Variants in KLF13 observed in about 807,000 individuals in gnomAD.
The protein encoded by KLF13 is Krueppel-like factor 13.
In KLF13, 8 loss-of-function variants were observed where a neutral mutation model predicts 16.7. The ratio of observed to expected loss-of-function variants is 0.48; its 90% CI spans 0.28 to 0.87. The LOEUF is 0.87. Among genes scored for constraint, KLF13 ranks in the 40% least tolerant of loss-of-function variants. KLF13 has a pLI of 0.10. For synonymous variants in KLF13, 245 were observed against 208.4 expected (o/e 1.18, Z -1.51); for missense variants, 447 against 452.2 (o/e 0.99, Z 0.10).
In KLF13 at chr15:31,375,694, T is replaced by C. The variant is rs949725619; in HGVS notation, c.*3395T>C. On this transcript the variant is annotated 3_prime_UTR_variant, in exon 2 of 2. Transcript: ENST00000307145. ...GGGGAACGGTTGTCAGCTCCCCAAA[T>C]GCCTACTGGATCCTACAGCCATACA... 1.3e-5 allele frequency: 2 copies of C among 152,112 alleles called. No individual in the cohort carries two copies. The highest frequency in any genetic ancestry group is 2.9e-5 in the Non-Finnish European group (2 of 68,014). 9.4% of individuals were successfully genotyped at this position (152,112 alleles called of 1,614,324 possible). A position where few individuals can be genotyped will look rare whatever the true frequency, so the allele number is the denominator to read the frequency against.
chr15:31,403,533 T>A (rs1484653884), exon 3 of KLF13: 1 of 152,274 alleles, frequency 6.6e-6, no homozygotes, highest in African/African-American at 2.4e-5. Context: ...GATGAGCCAA[T>A]TCTCCTTCTT....
chr15:31,371,712 T>C (rs1174504742), intron 1 of KLF13, among the ~76,000 whole-genome samples: 2 of 151,966 alleles, frequency 1.3e-5, no homozygotes, highest in African/African-American at 4.8e-5. Context: ...ACTTAGGGGG[T>C]CCACTGCCAG....
intron 1 of KLF13, among the ~76,000 whole-genome samples, chr15:31,329,200 G>T (rs561873397): frequency 9.3e-5 from 14 of 151,284 alleles, no homozygotes; most frequent in Non-Finnish European, 7.4e-5. Flanking sequence ...GGGTGTGGGG[G>T]CTCAGGTTGG....
At chr15:31,328,579 C>T (rs1372240630) in intron 1 of KLF13, among the ~76,000 whole-genome samples, 2 of 151,866 alleles carry the variant, frequency 1.3e-5, no homozygotes, top group African/African-American at 4.8e-5. Context: ...CGCCTGCCCA[C>T]CTCTCACCTG....
intron 1 of KLF13, among the ~76,000 whole-genome samples, chr15:31,385,483 G>A (rs1281313222): frequency 6.6e-6 from 1 of 152,194 alleles, no homozygotes; most frequent in African/African-American, 2.4e-5. Flanking sequence ...GTCTATTGGT[G>A]CCATTTTTCC....
chr15:31,351,337 A>G (rs1333613436), intron 1 of KLF13, among the ~76,000 whole-genome samples: 1 of 152,258 alleles, frequency 6.6e-6, no homozygotes, highest in East Asian at 1.9e-4. Context: ...AATAACTTTA[A>G]TCCCACCACT....
intron 2 of KLF13, among the ~76,000 whole-genome samples, chr15:31,394,202 C>A (rs191923772): frequency 6.6e-6 from 1 of 152,040 alleles, no homozygotes; most frequent in Non-Finnish European, 1.5e-5. Flanking sequence ...TTTGGCCGGG[C>A]GCGGTGGCTC....
rs553895931 is a variant in KLF13 at position 31,334,223 on chromosome 15, A to G, written c.577+6434A>G. Among the ~76,000 whole-genome samples the G allele has an allele frequency of 2.6e-5, 4 of 152,304 alleles. No homozygotes were observed. In the South Asian group the frequency reaches 8.3e-4, roughly 32 times the overall value. On this transcript the variant is annotated intron_variant, in intron 1 of 1. Transcript: ENST00000307145. Reference sequence around the variant, plus strand: ...GAAAATGGCTCCAGATGGTATTAATAGCCAGCTCAAGGGTAACTGTGAGTG... The same window carrying G: ...GAAAATGGCTCCAGATGGTATTAATGGCCAGCTCAAGGGTAACTGTGAGTG...
Position 31,372,367 on chromosome 15 carries a change from GA to G in KLF13, c.*71del. ...TCCCTGGCCTTTCCTTTTGTAATAA[GA>G]AAGAAGAGAGAGAACTTGATGCAAA... On this transcript the variant is annotated 3_prime_UTR_variant, in exon 2 of 2. Coordinates refer to ENST00000307145, the MANE Select transcript of KLF13 (RefSeq NM_015995.4). 7.3e-7 allele frequency: 1 copy of G among 1,368,820 alleles called. No homozygotes were observed. Among genetic ancestry groups the G allele is most frequent in the Non-Finnish European group, 9.5e-7 (1 of 1,056,912 alleles). 84.8% of individuals were successfully genotyped at this position (1,368,820 alleles called of 1,614,324 possible). A position where few individuals can be genotyped will look rare whatever the true frequency, so the allele number is the denominator to read the frequency against.
chr15:31,411,654 C>T (rs1253944047), intron 1 of KLF13, among the ~76,000 whole-genome samples: 1 of 151,762 alleles, frequency 6.6e-6, no homozygotes, highest in Non-Finnish European at 1.5e-5. Context: ...ATCCACTCAC[C>T]TTGGCCTCCC....
At chr15:31,410,397 C>T (rs2141000600) in intron 1 of KLF13, among the ~76,000 whole-genome samples, 1 of 151,758 alleles carries the variant, frequency 6.6e-6, no homozygotes, top group South Asian at 2.1e-4. Context: ...CAAAATCTAT[C>T]AATAATCAAT....
rs2038721034 is a variant in KLF13, at chr15:31,327,066, G to A, written c.-147G>A. ...CGGAGCCGCGCGGGTGACGGCACAG[G>A]CGGCTGCGCGCCCAGCCCAGCCCAG... On this transcript the variant is annotated 5_prime_UTR_variant, in exon 1 of 2. Coordinates refer to ENST00000307145, the MANE Select transcript of KLF13 (RefSeq NM_015995.4). 1 of 669,974 alleles carries A rather than the reference G, an allele frequency of 1.5e-6. No homozygotes were observed. The highest frequency in any genetic ancestry group is 5.4e-5 in the Admixed American group (1 of 18,632). 41.5% of individuals were successfully genotyped at this position (669,974 alleles called of 1,614,324 possible).
At chr15:31,358,456 A>T (rs975030057) in intron 1 of KLF13, among the ~76,000 whole-genome samples, 1 of 152,236 alleles carries the variant, frequency 6.6e-6, no homozygotes, top group Non-Finnish European at 1.5e-5. Flanking sequence ...TCTCATAAAT[A>T]TGTATAGTGA....
chr15:31,404,759 C>T (rs559658751), downstream of KLF13: 3 of 152,410 alleles, frequency 2.0e-5, no homozygotes, highest in South Asian at 4.1e-4. Context: ...CCTTTAAGAG[C>T]TGTAACACTC....
chr15:31,336,555 T>G (rs1480004687), intron 1 of KLF13, among the ~76,000 whole-genome samples: 1 of 152,198 alleles, frequency 6.6e-6, no homozygotes, highest in East Asian at 1.9e-4. Flanking sequence ...TTTAACCCTT[T>G]TATTGTCTAA....
chr15:31,361,243 G>A (rs985611088), intron 1 of KLF13, among the ~76,000 whole-genome samples: 5 of 152,180 alleles, frequency 3.3e-5, no homozygotes, highest in Admixed American at 6.5e-5. Flanking sequence ...GAACGTGAAC[G>A]TGGGCAGCAG....
chr15:31,380,369 G>C (rs74517756), downstream of KLF13, among the ~76,000 whole-genome samples: 820 of 152,324 alleles, frequency 5.4e-3, 4 homozygotes, highest in Middle Eastern at 0.017. Context: ...CCTGTCGCTG[G>C]AGGCATTCAA....
chr15:31,363,221 C>T (rs1043793898), intron 1 of KLF13, among the ~76,000 whole-genome samples: 1 of 152,230 alleles, frequency 6.6e-6, no homozygotes, highest in African/African-American at 2.4e-5. Context: ...TCTCATCTGC[C>T]ATTAGCTCCT....
At chr15:31,409,022 T>C (rs1055365640), downstream of KLF13, among the ~76,000 whole-genome samples, 4 of 152,166 alleles carry the variant, frequency 2.6e-5, no homozygotes, top group African/African-American at 9.7e-5. Flanking sequence ...TGGTGGCTCA[T>C]GCTTGTAATC....
Sources: gnomAD v4.1 joint callset for allele counts (sites outside exome capture counted in the v4.1 genomes callset) on GRCh38, gnomAD v4.1.1 for gene constraint, MANE v1.5 for transcripts, NCBI Gene and HGNC (gene_info 2026-07-23, HGNC 2026-07-21) for gene names.